KLF3: variants seen among roughly 807,000 people sequenced by gnomAD.
The protein encoded by KLF3 is KLF transcription factor 3.
In KLF3, 6 loss-of-function variants were observed where a neutral mutation model predicts 32.7. That is an observed-to-expected ratio of 0.18 (90% confidence interval 0.10 to 0.36). The LOEUF is 0.36. KLF3 is among the 10% of genes least tolerant of loss of function. The pLI is 1.00. For synonymous variants in KLF3, 145 were observed against 172.8 expected (o/e 0.84, Z 1.26); for missense variants, 338 against 449.7 (o/e 0.75, Z 2.25).
chr4:38,688,943 C>T lies in KLF3; in HGVS notation c.416C>T (p.Pro139Leu). 1 of 1,614,242 alleles carries T rather than the reference C, an allele frequency of 6.2e-7. No individual in the cohort carries two copies. The highest frequency in any genetic ancestry group is 8.5e-7 in the Non-Finnish European group (1 of 1,180,040). The change falls in exon 3 of 6, where the codon CCG (proline) becomes CTG (leucine). Residue 139 changes from proline to leucine, a missense_variant. By Grantham distance (98) the Pro-to-Leu change is moderately conservative. Around this residue, in one of 2 missense-constraint regions of KLF3, gnomAD observed 272 missense variants for 313.4 expected, o/e 0.87. Coordinates refer to ENST00000261438, the MANE Select transcript of KLF3 (RefSeq NM_016531.6). The surrounding 1 kb of genome is among the most constrained non-coding windows in gnomAD (Gnocchi z 4.9). ...CTCTCGCGGCATGGAATACGGAGCCCGGGGATCCTGCCCGTCATCCAGCCG... is the reference window on the plus strand; with the variant it reads ...CTCTCGCGGCATGGAATACGGAGCCTGGGGATCCTGCCCGTCATCCAGCCG... The part of the protein sequence containing the change: ...AALSRHGIRS[P>L]GILPVIQPVV...
At chr4:38,689,109 T>C in intron 3 of KLF3, 38 bp downstream of exon 3, 2 of 1,604,816 alleles carry the variant, frequency 1.2e-6, no homozygotes, top group Non-Finnish European at 1.7e-6. Context: ...TGCACTTGCT[T>C]AGCGTACTGG....
intron 1 of KLF3, 99 bp downstream of exon 1, chr4:38,664,560 G>C (rs1227174535): frequency 6.6e-6 from 1 of 152,248 alleles, no homozygotes; most frequent in East Asian, 1.9e-4. Context: ...GGGGGCCGCG[G>C]GGAATGGGTC....
chr4:38,673,539 A>T (rs145285154), intron 1 of KLF3, among the ~76,000 whole-genome samples: 53 of 152,328 alleles, frequency 3.5e-4, no homozygotes, highest in Middle Eastern at 6.8e-3. Flanking sequence ...CTAAAACACA[A>T]AATTGTCAGA....
intron 2 of KLF3, among the ~76,000 whole-genome samples, chr4:38,687,298 G>A (rs4833085): frequency 0.82 from 125,333 of 152,194 alleles, 52,474 homozygotes; most frequent in African/African-American, 0.96. Context: ...TAGTAAAGAT[G>A]ATGGTTTATG....
intron 4 of KLF3, among the ~76,000 whole-genome samples, chr4:38,691,495 A>G (rs1386725754): frequency 6.6e-6 from 1 of 152,214 alleles, no homozygotes; most frequent in African/African-American, 2.4e-5. Context: ...ACTGCCTCCA[A>G]GGGAGGGATC....
intron 1 of KLF3, among the ~76,000 whole-genome samples, chr4:38,680,091 T>C (rs1456899431): frequency 6.6e-6 from 1 of 152,146 alleles, no homozygotes; most frequent in Non-Finnish European, 1.5e-5. Flanking sequence ...TGGAGTCTGG[T>C]TTTAATTATG....
intron 2 of KLF3, 32 bp downstream of exon 2, chr4:38,680,714 A>AT: frequency 2.0e-6 from 3 of 1,528,048 alleles, no homozygotes; most frequent in Non-Finnish European, 2.7e-6. Context: ...ACCTCGCCTT[A>AT]TTTTTTCCAA....
chr4:38,697,281 C>T lies in KLF3; in HGVS notation c.*18C>T, dbSNP rs1434496578. 6.3e-7 allele frequency: 1 copy of T among 1,576,340 alleles called. No individual in the cohort carries two copies. The highest frequency in any genetic ancestry group is 1.2e-5 in the South Asian group (1 of 86,890). On this transcript the variant is annotated 3_prime_UTR_variant, in exon 6 of 6. Coordinates refer to ENST00000261438, the MANE Select transcript of KLF3 (RefSeq NM_016531.6). The stretch of plus-strand genomic sequence containing the variant: ...TAGTCTGATTGCCTCTGTGTCCTGC[C>T]TCAGCGTGACTCCCCACTCACCTGG...
chr4:38,688,738 T>A lies in KLF3; in HGVS notation c.211T>A (p.Ser71Thr). 1 of 1,614,164 alleles carries A rather than the reference T, an allele frequency of 6.2e-7. No individual in the cohort carries two copies. The highest frequency in any genetic ancestry group is 8.5e-7 in the Non-Finnish European group (1 of 1,180,028). ...GGACCTCACGGTGAACAAGCGGAGT[T>A]CACCCCCTTCGGCTGGGAATTCGCC... ...PVDLTVNKRSSPPSAGNSPSS... is the reference protein window; with the variant it reads ...PVDLTVNKRSTPPSAGNSPSS... The change falls in exon 3 of 6, where the codon TCA (serine) becomes ACA (threonine). Residue 71 changes from serine to threonine, a missense_variant. Around this residue, in one of 2 missense-constraint regions of KLF3, gnomAD observed 272 missense variants for 313.4 expected, o/e 0.87. Coordinates refer to ENST00000261438, the MANE Select transcript of KLF3 (RefSeq NM_016531.6). This position sits in a 1 kb window ranked among gnomAD's most constrained non-coding sequence, Gnocchi z 4.9.
rs767869375 is a variant in KLF3, at chr4:38,697,267, C to G, written c.*4C>G. ...GAAACGCCACATGCTAGTCTGATTG[C>G]CTCTGTGTCCTGCCTCAGCGTGACT... On this transcript the variant is annotated 3_prime_UTR_variant, in exon 6 of 6. Coordinates refer to ENST00000261438, the MANE Select transcript of KLF3 (RefSeq NM_016531.6). 6.3e-7 allele frequency: 1 copy of G among 1,597,456 alleles called. No individual in the cohort carries two copies. Among genetic ancestry groups the G allele is most frequent in the East Asian group, 2.2e-5 (1 of 44,518 alleles).
At chr4:38,682,474 A>C (rs985136607) in intron 2 of KLF3, among the ~76,000 whole-genome samples, 1 of 152,248 alleles carries the variant, frequency 6.6e-6, no homozygotes, top group Non-Finnish European at 1.5e-5. Context: ...AAATTTCCCC[A>C]TTAGTTATAT....
rs1342121635 is a variant in KLF3 at position 38,688,492 on chromosome 4, T to C, written c.58-93T>C. On this transcript the variant is annotated intron_variant, in intron 2 of 5. Transcript: ENST00000261438. This position sits in a 1 kb window ranked among gnomAD's most constrained non-coding sequence, Gnocchi z 4.9. ...CTATTTTGTAAAGCCCATGTAATTG[T>C]TAAGTGCCTTGTTAGCATATTTTTC... The C allele has an allele frequency of 7.9e-7, 1 of 1,260,326 alleles. No individual in the cohort carries two copies. The highest frequency in any genetic ancestry group is 1.1e-6 in the Non-Finnish European group (1 of 910,032). The allele number at this position is 1,260,326 out of a possible 1,614,324, so 78.1% of individuals were successfully genotyped here.
chr4:38,676,189 C>T (rs1014421995), intron 1 of KLF3, among the ~76,000 whole-genome samples: 11 of 152,110 alleles, frequency 7.2e-5, no homozygotes, highest in African/African-American at 2.7e-4. Flanking sequence ...ACCTGTAATC[C>T]CAGCACTTTG....
intron 5 of KLF3, 90 bp from the exon 6 acceptor site, chr4:38,696,992 C>T: frequency 4.6e-6 from 5 of 1,087,962 alleles, no homozygotes; most frequent in South Asian, 3.3e-5. Context: ...ATGAACATAT[C>T]TTGGAAATAA....
At chr4:38,691,214 C>T (rs1000096) in intron 4 of KLF3, among the ~76,000 whole-genome samples, 58,110 of 152,088 alleles carry the variant, frequency 0.38, 11,374 homozygotes, top group African/African-American at 0.45. Flanking sequence ...CAATATTCAC[C>T]CTGCTAACAA....
At chr4:38,677,830 T>C (rs1157338786) in intron 1 of KLF3, among the ~76,000 whole-genome samples, 1 of 152,040 alleles carries the variant, frequency 6.6e-6, no homozygotes, top group African/African-American at 2.4e-5. Flanking sequence ...GTGTACAGAA[T>C]ATACATCCAG....
intron 1 of KLF3, among the ~76,000 whole-genome samples, chr4:38,676,987 G>GT (rs1722373650): frequency 7.9e-6 from 1 of 126,764 alleles, no homozygotes; most frequent in African/African-American, 3.2e-5. Context: ...TGAGACCAGA[G>GT]TTTCGCTTTT....
intron 4 of KLF3, among the ~76,000 whole-genome samples, chr4:38,693,591 A>G (rs1722949690): frequency 6.6e-6 from 1 of 151,928 alleles, no homozygotes; most frequent in South Asian, 2.1e-4. Context: ...TCCTTTTCAC[A>G]CACCTTTTTT....
Position 38,689,058 on chromosome 4 carries a change from T to G in KLF3, c.531T>G (p.Ser177Arg), listed in dbSNP as rs761622672. ...TATCGGAGGAGATGGAAAATTCCAG[T>G]AGTAGCATGCAAGGTAAATTCCGCC... ...VSLSEEMENS[S>R]SSMQVPVIES... Residue 177 changes from serine (S) to arginine (R), a missense_variant, in exon 3 of 6, where the codon AGT (serine) becomes AGG (arginine). Physicochemically the swap from Ser to Arg is moderately radical, Grantham distance 110 (BLOSUM62 -1). Around this residue, in one of 2 missense-constraint regions of KLF3, gnomAD observed 272 missense variants for 313.4 expected, o/e 0.87. Transcript: ENST00000261438. 2 of 1,613,164 alleles carry G rather than the reference T, an allele frequency of 1.2e-6. No homozygotes were observed. Among genetic ancestry groups the G allele is most frequent in the East Asian group, 2.2e-5 (1 of 44,870 alleles).
Sources: allele counts gnomAD v4.1 joint callset (sites outside exome capture counted in the v4.1 genomes callset), GRCh38; gene constraint gnomAD v4.1.1; regional missense constraint gnomAD v4.1.1; non-coding constraint Gnocchi (gnomAD v3.1); transcripts MANE v1.5; gene names NCBI Gene and HGNC (gene_info 2026-07-23, HGNC 2026-07-21).